Variants in TBC1D15 observed in about 807,000 individuals in gnomAD.
TBC1D15 encodes GAP for RAB7.
Under a neutral mutation model 95.4 loss-of-function variants are expected in TBC1D15, and 39 were observed. The observed-to-expected ratio is 0.41, with a 90% CI of 0.32 to 0.53. TBC1D15 has a LOEUF of 0.53. Among genes scored for constraint, TBC1D15 ranks in the 20% least tolerant of loss-of-function variants. TBC1D15 has a pLI of 0.29. For synonymous variants in TBC1D15, 258 were observed against 261.3 expected (o/e 0.99, Z 0.12); for missense variants, 733 against 794.3 (o/e 0.92, Z 0.93).
At position 71,872,200 on chromosome 12, in the gene TBC1D15, A is replaced by C. The variant is rs920458010; in HGVS notation, c.129+32A>C. 9.2e-6 allele frequency: 12 copies of C among 1,301,342 alleles called. No individual in the cohort carries two copies. The East Asian group carries it at 2.7e-4, about 29-fold the overall frequency. 80.6% of individuals were successfully genotyped at this position (1,301,342 alleles called of 1,614,324 possible). A position where few individuals can be genotyped will look rare whatever the true frequency, so the allele number is the denominator to read the frequency against. On this transcript the variant is annotated intron_variant, in intron 2 of 16. Transcript: ENST00000485960. ...TTCTAGTAAATGATTTTATTTAATA[A>C]TAGTTTATGGTAGTGATTCATCTTT...
chr12:71,884,776 A>G (rs780393186), intron 4 of TBC1D15, 35 bp from the exon 5 acceptor site: 38 of 1,607,500 alleles, frequency 2.4e-5, no homozygotes, highest in Non-Finnish European at 3.1e-5. Flanking sequence ...AAAAAGGTGA[A>G]CAAAAATATT....
chr12:71,864,496 TTTTG>T (rs1555196891), intron 1 of TBC1D15, among the ~76,000 whole-genome samples: 5 of 151,920 alleles, frequency 3.3e-5, no homozygotes, highest in East Asian at 1.9e-4. Flanking sequence ...TGTTTTTTTT[TTTTG>T]TTTGTTTGTT....
chr12:71,893,314 G>T lies in TBC1D15; in HGVS notation c.647G>T (p.Gly216Val). 1 of 1,606,590 alleles carries T rather than the reference G, an allele frequency of 6.2e-7. No individual in the cohort carries two copies. The highest frequency in any genetic ancestry group is 8.5e-7 in the Non-Finnish European group (1 of 1,175,262). Residue 216 changes from glycine (G) to valine (V), a missense_variant, in exon 6 of 17, where the codon GGT becomes GTT. Coordinates refer to ENST00000485960, the MANE Select transcript of TBC1D15 (RefSeq NM_001146213.3). The part of the protein sequence containing the change: ...FENLLDEPAY[G>V]LIQKIKKDPY... Reference sequence around the variant, plus strand: ...AATCTTCTTGATGAGCCAGCATATGGTTTAATACAAGTATGTTCCTTAAAT... The same window carrying T: ...AATCTTCTTGATGAGCCAGCATATGTTTTAATACAAGTATGTTCCTTAAAT...
Position 71,922,374 on chromosome 12 carries a change from C to A in TBC1D15, c.1804-609C>A, listed in dbSNP as rs1869740102. Among the ~76,000 whole-genome samples, 5 of 151,622 alleles carry A rather than the reference C, an allele frequency of 3.3e-5. No individual in the cohort carries two copies. The South Asian group carries it at 1.0e-3, about 32-fold the overall frequency. ...TGCTGGGATTACAGGCGTGACCCAT[C>A]ACGCCCGGCCATGACTGCATTTTTT... is the stretch of plus-strand genomic sequence containing the variant. On this transcript the variant is annotated intron_variant, in intron 16 of 16. Transcript: ENST00000485960.
At chr12:71,884,409 G>A (rs1457118217) in intron 4 of TBC1D15, among the ~76,000 whole-genome samples, 3 of 151,980 alleles carry the variant, frequency 2.0e-5, no homozygotes. Context: ...AATTACAATG[G>A]GAGGTAAGTA....
chr12:71,845,936 G>C (rs539285408), intron 1 of TBC1D15, among the ~76,000 whole-genome samples: 1 of 152,224 alleles, frequency 6.6e-6, no homozygotes, highest in Non-Finnish European at 1.5e-5. Context: ...AGTATTAAGT[G>C]TAGGGACAGT....
At chr12:71,906,423 T>C (rs1355421719) in intron 10 of TBC1D15, among the ~76,000 whole-genome samples, 2 of 152,230 alleles carry the variant, frequency 1.3e-5, no homozygotes, top group Non-Finnish European at 2.9e-5. Flanking sequence ...TTGGACACAT[T>C]GATGATGATG....
At chr12:71,919,201 CTTTTT>C (rs34109729) in intron 14 of TBC1D15, among the ~76,000 whole-genome samples, 1 of 131,470 alleles carries the variant, frequency 7.6e-6, no homozygotes, top group African/African-American at 2.8e-5. Flanking sequence ...AATCAGTGTG[CTTTTT>C]TTTTTTTTTT....
chr12:71,856,206 A>C (rs935341951), intron 1 of TBC1D15, among the ~76,000 whole-genome samples: 10 of 152,234 alleles, frequency 6.6e-5, no homozygotes, highest in African/African-American at 2.2e-4. Context: ...TTGCCATATA[A>C]TTTGTTCCCT....
chr12:71,917,976 A>G (rs1904105433), intron 13 of TBC1D15, among the ~76,000 whole-genome samples, 179 bp downstream of exon 13: 1 of 152,072 alleles, frequency 6.6e-6, no homozygotes, highest in South Asian at 2.1e-4. Flanking sequence ...TGGCTAGCAC[A>G]GTGAGACCCC....
At chr12:71,920,962 C>A in intron 15 of TBC1D15, 115 bp downstream of exon 15, 1 of 742,404 alleles carries the variant, frequency 1.3e-6, no homozygotes, top group Non-Finnish European at 2.2e-6. Flanking sequence ...TAAATTGTGT[C>A]AATAACAGTG....
chr12:71,855,753 A>T (rs1888908247), intron 1 of TBC1D15, among the ~76,000 whole-genome samples: 2 of 151,862 alleles, frequency 1.3e-5, no homozygotes, highest in African/African-American at 4.8e-5. Context: ...CCTAAGAAAC[A>T]GTTATCCTAA....
chr12:71,899,435 A>G (rs73140678), intron 10 of TBC1D15, among the ~76,000 whole-genome samples: 7,158 of 152,284 alleles, frequency 0.047, 274 homozygotes, highest in Middle Eastern at 0.085. Context: ...TTTCAGCTAT[A>G]CCATGCTTTC....
At position 71,922,555 on chromosome 12, in the gene TBC1D15, A is replaced by G. The variant is rs143578533; in HGVS notation, c.1804-428A>G. Among the ~76,000 whole-genome samples the G allele has an allele frequency of 4.6e-3, 695 of 152,192 alleles. 6 individuals are homozygous for G. The highest frequency in any genetic ancestry group is 0.016 in the African/African-American group (644 of 41,528). ...TTGTATCATTTGTTCATTGATCCAA[A>G]CTGTTACTTGGTTCAGTTCTACAAA... On this transcript the variant is annotated intron_variant, in intron 16 of 16. Transcript: ENST00000485960.
At chr12:71,848,440 T>C (rs1886884252) in intron 1 of TBC1D15, among the ~76,000 whole-genome samples, 1 of 152,240 alleles carries the variant, frequency 6.6e-6, no homozygotes, top group Non-Finnish European at 1.5e-5. Flanking sequence ...TAATGACTAA[T>C]GGTGTTGAGT....
chr12:71,853,837 G>A (rs1888405269), intron 1 of TBC1D15, among the ~76,000 whole-genome samples: 1 of 152,182 alleles, frequency 6.6e-6, no homozygotes, highest in Admixed American at 6.5e-5. Flanking sequence ...GGAGTGCTTT[G>A]TGAATTATGA....
intron 1 of TBC1D15, among the ~76,000 whole-genome samples, chr12:71,869,317 G>A (rs1330040967): frequency 6.6e-6 from 1 of 152,210 alleles, no homozygotes; most frequent in Non-Finnish European, 1.5e-5. Flanking sequence ...GAGGTCAGGA[G>A]TTTGAGACCA....
At chr12:71,892,508 T>G (rs1023137575) in intron 5 of TBC1D15, among the ~76,000 whole-genome samples, 1 of 152,036 alleles carries the variant, frequency 6.6e-6, no homozygotes, top group Non-Finnish European at 1.5e-5. Flanking sequence ...ATTTGTCAGA[T>G]GACTAGAAAT....
chr12:71,842,736 T>C (rs1885326323), intron 1 of TBC1D15, among the ~76,000 whole-genome samples: 1 of 145,338 alleles, frequency 6.9e-6, no homozygotes, highest in Non-Finnish European at 1.5e-5. Context: ...GAGGCTGAGG[T>C]GGGAAGATTG....
Sources: gnomAD v4.1 joint callset for allele counts (sites outside exome capture counted in the v4.1 genomes callset) on GRCh38, gnomAD v4.1.1 for gene constraint, MANE v1.5 for transcripts, NCBI Gene and HGNC (gene_info 2026-07-23, HGNC 2026-07-21) for gene names.